Variants in PROZ observed in about 807,000 individuals in gnomAD.
PROZ encodes the protein vitamin K-dependent protein Z.
In PROZ, 46 loss-of-function variants were observed where a neutral mutation model predicts 34.9. The ratio of observed to expected loss-of-function variants is 1.32; its 90% confidence interval spans 1.04 to 1.69. The LOEUF (loss-of-function observed/expected upper bound fraction) is 1.69. Among genes scored for constraint, PROZ ranks in the 40% most tolerant of loss-of-function variants. The pLI is 0.00. For synonymous variants in PROZ, 195 were observed against 208.5 expected (o/e 0.94, Z 0.56); for missense variants, 530 against 520.4 (o/e 1.02, Z -0.18).
chr13:113,162,857 CTGCTCAGG>C (rs1375185639), intron 3 of PROZ, 144 bp from the exon 4 acceptor site: 77 of 670,822 alleles, frequency 1.1e-4, no homozygotes, highest in Admixed American at 4.4e-4. Context: ...CACCCTCCTC[CTGCTCAGG>C]TGCTCAGGTC....
rs2037129556 is a variant in PROZ at position 113,172,181 on chromosome 13, G to A, written c.*76G>A. The A allele has an allele frequency of 5.1e-6, 8 of 1,560,844 alleles. No homozygotes were observed. The highest frequency in any genetic ancestry group is 6.1e-6 in the Non-Finnish European group (7 of 1,148,618). On this transcript the variant is annotated 3_prime_UTR_variant, in exon 8 of 8. Coordinates refer to ENST00000375547, the MANE Select transcript of PROZ (RefSeq NM_003891.3). ...AGCTGGCACTGCCACTGTGGAGGGCGCTGAAACTTCATCACACACTGAGAG... is the reference window on the plus strand; with the variant it reads ...AGCTGGCACTGCCACTGTGGAGGGCACTGAAACTTCATCACACACTGAGAG...
At chr13:113,169,616 G>GCTCTA (rs1361780177) in intron 6 of PROZ, among the ~76,000 whole-genome samples, 30 of 152,220 alleles carry the variant, frequency 2.0e-4, no homozygotes, top group Non-Finnish European at 2.9e-4. Context: ...TTTGTCAGTA[G>GCTCTA]GACCAGGGCA....
chr13:113,164,645 G>C lies in PROZ; in HGVS notation c.505+1G>C. The C allele has an allele frequency of 6.2e-7, 1 of 1,613,606 alleles. No homozygotes were observed. The stretch of plus-strand genomic sequence containing the variant: ...GACCACAAACAGTGTGTGCCCCACG[G>C]TGAGTGCTCAGACCACAGCGGCCTC... On this transcript the variant is annotated splice_donor_variant, in intron 5 of 7. Coordinates refer to ENST00000375547, the MANE Select transcript of PROZ (RefSeq NM_003891.3). LOFTEE classifies it high-confidence loss of function.
In PROZ at chr13:113,159,337, G is replaced by T; in HGVS notation, c.70+607G>T. The T allele has an allele frequency of 7.0e-7, 1 of 1,433,912 alleles. No individual in the cohort carries two copies. The allele number at this position is 1,433,912 out of a possible 1,614,324, so 88.8% of individuals were successfully genotyped here. ...GGCCCCATGGTCTCCCACCCTGAGA[G>T]GGTGATCCCCCCGCCCTGCCCTGCC... is the stretch of plus-strand genomic sequence containing the variant. On this transcript the variant is annotated intron_variant, in intron 1 of 7. Transcript: ENST00000375547. The surrounding 1 kb of genome is among the most constrained non-coding windows in gnomAD (Gnocchi z 4.6).
At chr13:113,169,164 C>T (rs1182985878) in intron 6 of PROZ, among the ~76,000 whole-genome samples, 4 of 152,118 alleles carry the variant, frequency 2.6e-5, no homozygotes, top group East Asian at 1.9e-4. Context: ...CCGTTCTCTC[C>T]GTGTTTTACT....
chr13:113,158,648 G>A lies in PROZ; in HGVS notation c.-13G>A, dbSNP rs2273971. The A allele has an allele frequency of 0.88, 1,401,860 of 1,596,626 alleles. 626,754 individuals are homozygous for A. Among genetic ancestry groups the A allele is most frequent in the Non-Finnish European group, 0.93 (1,094,609 of 1,172,944 alleles). ...GCTGTGTTTGTAGCCCTGTCCCAGC[G>A]CTCCGGGTGGGAATGGCAGGCTGCG... On this transcript the variant is annotated 5_prime_UTR_variant, in exon 1 of 8. Coordinates refer to ENST00000375547, the MANE Select transcript of PROZ (RefSeq NM_003891.3). This position sits in a 1 kb window ranked among gnomAD's most constrained non-coding sequence, Gnocchi z 4.3.
At chr13:113,164,916 A>G (rs989418851) in intron 5 of PROZ, 137 bp from the exon 6 acceptor site, 1 of 977,804 alleles carries the variant, frequency 1.0e-6, no homozygotes, top group Non-Finnish European at 1.6e-6. Flanking sequence ...ATTACTGCAC[A>G]TTCATCAGCA....
chr13:113,160,939 A>C lies in PROZ; in HGVS notation c.235-9A>C. ...CCATTTGTAACATTTTTATGTTTTAACTCTAAAGGATGAATTCTGGAGACG... is the reference window on the plus strand; with the variant it reads ...CCATTTGTAACATTTTTATGTTTTACCTCTAAAGGATGAATTCTGGAGACG... On this transcript the variant is annotated splice_polypyrimidine_tract_variant and intron_variant, in intron 2 of 7. Coordinates refer to ENST00000375547, the MANE Select transcript of PROZ (RefSeq NM_003891.3). 6.3e-7 allele frequency: 1 copy of C among 1,598,630 alleles called. No homozygotes were observed. Among genetic ancestry groups the C allele is most frequent in the Non-Finnish European group, 8.6e-7 (1 of 1,166,376 alleles).
intron 6 of PROZ, chr13:113,165,330 C>A: frequency 1.6e-6 from 1 of 644,488 alleles, no homozygotes. Flanking sequence ...TATTTACAGC[C>A]CCCAAGACCT....
At position 113,171,481 on chromosome 13, in the gene PROZ, G is replaced by A; in HGVS notation, c.692-113G>A. On this transcript the variant is annotated intron_variant, in intron 7 of 7. Transcript: ENST00000375547. This position sits in a 1 kb window ranked among gnomAD's most constrained non-coding sequence, Gnocchi z 5.1. ...ACACCACGGGGCGGTGAGCCTGCGGGTCCTCCAGGGCCGGTCTCTCCCTCC... is the reference window on the plus strand; with the variant it reads ...ACACCACGGGGCGGTGAGCCTGCGGATCCTCCAGGGCCGGTCTCTCCCTCC... The A allele has an allele frequency of 2.2e-6, 3 of 1,361,836 alleles. No individual in the cohort carries two copies. The highest frequency in any genetic ancestry group is 1.2e-5 in the South Asian group (1 of 80,720). 84.4% of individuals were successfully genotyped at this position (1,361,836 alleles called of 1,614,324 possible).
At chr13:113,163,913 T>TGG (rs1431415874) in intron 4 of PROZ, among the ~76,000 whole-genome samples, 1 of 150,740 alleles carries the variant, frequency 6.6e-6, no homozygotes, top group Non-Finnish European at 1.5e-5. Context: ...AACAGGCGCG[T>TGG]GGATTAGTCC....
chr13:113,159,411 T>A lies in PROZ; in HGVS notation c.71-603T>A. On this transcript the variant is annotated intron_variant, in intron 1 of 7. Transcript: ENST00000375547. The surrounding 1 kb of genome is among the most constrained non-coding windows in gnomAD (Gnocchi z 4.6). ...AGCTGAGCCCCCCCTGCTGTAACCC[T>A]CAGCACCGAGAGAAAAGGAGGGAGG... 1.2e-6 allele frequency: 1 copy of A among 801,906 alleles called. No homozygotes were observed. Among genetic ancestry groups the A allele is most frequent in the Non-Finnish European group, 2.0e-6 (1 of 509,518 alleles). 49.7% of individuals were successfully genotyped at this position (801,906 alleles called of 1,614,324 possible).
intron 2 of PROZ, 32 bp from the exon 3 acceptor site, chr13:113,160,916 A>G (rs1391660651): frequency 1.3e-6 from 2 of 1,569,780 alleles, no homozygotes; most frequent in Non-Finnish European, 1.8e-6. Context: ...CAAATATCCC[A>G]TTTGTAACAT....
At chr13:113,165,612 C>G (rs1047503706) in intron 6 of PROZ, among the ~76,000 whole-genome samples, 3 of 152,236 alleles carry the variant, frequency 2.0e-5, no homozygotes, top group Non-Finnish European at 2.9e-5. Context: ...CTCACTGCAA[C>G]CTCTGCCTCC....
chr13:113,162,970 CCT>C, intron 3 of PROZ, 37 bp from the exon 4 acceptor site: 1 of 1,259,872 alleles, frequency 7.9e-7, no homozygotes, highest in Middle Eastern at 1.9e-4. Flanking sequence ...GGTCCCCGTT[CCT>C]GTCACCACCA....
intron 3 of PROZ, 62 bp downstream of exon 3, chr13:113,161,034 G>T (rs1298087390): frequency 6.9e-7 from 1 of 1,447,590 alleles, no homozygotes; most frequent in Non-Finnish European, 9.7e-7. Context: ...GCGTGGGTGG[G>T]CTTAGGACGC....
At chr13:113,160,917 T>C in intron 2 of PROZ, 31 bp from the exon 3 acceptor site, 10 of 1,569,864 alleles carry the variant, frequency 6.4e-6, no homozygotes, top group Non-Finnish European at 8.8e-6. Context: ...AAATATCCCA[T>C]TTGTAACATT....
Position 113,164,437 on chromosome 13 carries a change from C to A in PROZ, c.374-76C>A, listed in dbSNP as rs1304645969. 4 of 1,536,244 alleles carry A rather than the reference C, an allele frequency of 2.6e-6. No homozygotes were observed. The East Asian group carries it at 9.1e-5, about 35-fold the overall frequency. The stretch of plus-strand genomic sequence containing the variant: ...GTGATAAAATGAACATGGACCAACA[C>A]ACAGAACTGTGTGCAAGGCTGTGAT... On this transcript the variant is annotated intron_variant, in intron 4 of 7. Transcript: ENST00000375547.
At chr13:113,170,834 A>G (rs2037088430) in intron 7 of PROZ, among the ~76,000 whole-genome samples, 1 of 151,984 alleles carries the variant, frequency 6.6e-6, no homozygotes, top group African/African-American at 2.4e-5. Context: ...ATAATTGGCT[A>G]AAAATCGGAA....
Sources: allele counts gnomAD v4.1 joint callset (sites outside exome capture counted in the v4.1 genomes callset), GRCh38; gene constraint gnomAD v4.1.1; non-coding constraint Gnocchi (gnomAD v3.1); transcripts MANE v1.5; gene names NCBI Gene and HGNC (gene_info 2026-07-23, HGNC 2026-07-21).